The following GPC5 variants were observed in gnomAD, a reference collection of about 807,000 sequenced individuals.
GPC5 encodes glypican 5, also known as glypican-5.
A neutral mutation model predicts 53.9 loss-of-function variants in GPC5; 47 were observed. The ratio of observed to expected loss-of-function variants is 0.87; its 90% confidence interval spans 0.69 to 1.11. The LOEUF (loss-of-function observed/expected upper bound fraction) is 1.11, where lower values mean the gene tolerates loss of function less well. Among genes scored for constraint, GPC5 ranks in the 50% most tolerant of loss-of-function variants. The pLI is 0.00. For missense variants in GPC5, 748 were observed against 713.1 expected, an observed-to-expected ratio of 1.05 and a Z score of -0.56; for synonymous variants, 286 against 263.3, an observed-to-expected ratio of 1.09 and a Z score of -0.84.
rs916612481 is a variant in GPC5, at chr13:92,494,182, T to C, written c.1561+349193T>C. Among the ~76,000 whole-genome samples, 112 of 151,650 alleles carry C rather than the reference T, an allele frequency of 7.4e-4. 2 individuals carry two copies. In the South Asian group the frequency reaches 0.012, roughly 17 times the overall value. The stretch of plus-strand genomic sequence containing the variant: ...TCGGCTCACTGCAAGCTCCGCCTCC[T>C]GGGTTCACGCCATTCTCCTGCCTCA... On this transcript the variant is annotated intron_variant, in intron 7 of 7. Transcript: ENST00000377067.
chr13:91,541,799 TAC>T (rs2029947849), intron 2 of GPC5, among the ~76,000 whole-genome samples: 2 of 151,174 alleles, frequency 1.3e-5, no homozygotes, highest in South Asian at 4.2e-4. Context: ...AATATGTTAA[TAC>T]ACTGAGAACT....
intron 7 of GPC5, among the ~76,000 whole-genome samples, chr13:92,680,025 A>T (rs1453136888): frequency 6.6e-6 from 1 of 152,092 alleles, no homozygotes; most frequent in Non-Finnish European, 1.5e-5. Flanking sequence ...CTACCACTAA[A>T]GCTTCTGTTC....
chr13:92,305,319 TA>T (rs1393619875), intron 7 of GPC5, among the ~76,000 whole-genome samples: 3 of 152,306 alleles, frequency 2.0e-5, no homozygotes, highest in Admixed American at 1.3e-4. Context: ...AATTTATTTT[TA>T]AAAGGTATGT....
chr13:91,830,043 G>A (rs1210048221), intron 5 of GPC5, among the ~76,000 whole-genome samples: 3 of 152,050 alleles, frequency 2.0e-5, no homozygotes, highest in Non-Finnish European at 2.9e-5. Context: ...AAATTTATTA[G>A]GTGGGAATTT....
At chr13:91,969,079 C>T (rs562201955) in intron 6 of GPC5, among the ~76,000 whole-genome samples, 2 of 152,224 alleles carry the variant, frequency 1.3e-5, no homozygotes, top group African/African-American at 4.8e-5. Context: ...AGCGATTCTC[C>T]TGCCTCAGCC....
intron 7 of GPC5, among the ~76,000 whole-genome samples, chr13:92,153,482 A>C (rs1040408739): frequency 1.3e-5 from 2 of 152,226 alleles, no homozygotes; most frequent in African/African-American, 4.8e-5. Context: ...TTATGAATAC[A>C]TAACTCATTT....
At chr13:92,128,240 G>A (rs1253218406) in intron 6 of GPC5, among the ~76,000 whole-genome samples, 4 of 152,112 alleles carry the variant, frequency 2.6e-5, no homozygotes, top group Non-Finnish European at 4.4e-5. Flanking sequence ...GAGCCCTACA[G>A]GCCAAAGTAA....
intron 7 of GPC5, among the ~76,000 whole-genome samples, chr13:92,677,504 T>C (rs902448350): frequency 1.3e-5 from 2 of 152,224 alleles, no homozygotes; most frequent in Non-Finnish European, 2.9e-5. Context: ...TCTGTGTTTG[T>C]TCCATGGACT....
At chr13:91,727,316 A>C (rs1475302538) in intron 3 of GPC5, among the ~76,000 whole-genome samples, 1 of 152,102 alleles carries the variant, frequency 6.6e-6, no homozygotes, top group East Asian at 1.9e-4. Context: ...GTCTTTGCTG[A>C]TATCCTTCTT....
chr13:92,826,895 T>C (rs925122386), intron 7 of GPC5, among the ~76,000 whole-genome samples: 1 of 152,130 alleles, frequency 6.6e-6, no homozygotes, highest in African/African-American at 2.4e-5. Flanking sequence ...TTGACTTTCA[T>C]TGCCGTTCTG....
At chr13:92,541,321 TA>T (rs1449329201) in intron 7 of GPC5, among the ~76,000 whole-genome samples, 2 of 151,822 alleles carry the variant, frequency 1.3e-5, no homozygotes, top group African/African-American at 4.8e-5. Context: ...TCCAGTATTT[TA>T]AAAATATTAT....
intron 7 of GPC5, among the ~76,000 whole-genome samples, chr13:92,637,343 G>C (rs1278029003): frequency 6.6e-6 from 1 of 152,096 alleles, no homozygotes; most frequent in Non-Finnish European, 1.5e-5. Flanking sequence ...GAGATTTTCA[G>C]GGGATGTACA....
rs371432637 is a variant in GPC5, at chr13:92,655,712, C to A, written c.1562-210570C>A. 3.9e-4 allele frequency among the ~76,000 whole-genome samples: 59 copies of A among 152,176 alleles called. 1 individual carries two copies. In the East Asian group the frequency reaches 5.6e-3, roughly 14 times the overall value. On this transcript the variant is annotated intron_variant, in intron 7 of 7. Coordinates refer to ENST00000377067, the MANE Select transcript of GPC5 (RefSeq NM_004466.6). ...TTTCTATCTGCCTGTTTGGGTTGAG[C>A]AAAATTAGAACTGACAACAGACCAG...
chr13:92,800,305 C>G (rs1307845483), intron 7 of GPC5, among the ~76,000 whole-genome samples: 1 of 151,808 alleles, frequency 6.6e-6, no homozygotes, highest in East Asian at 1.9e-4. Flanking sequence ...TGCTACATGG[C>G]CTCTCCCCTT....
chr13:92,382,993 A>C (rs969573052), intron 7 of GPC5, among the ~76,000 whole-genome samples: 1 of 123,506 alleles, frequency 8.1e-6, no homozygotes, highest in Non-Finnish European at 1.6e-5. Flanking sequence ...ACAGAGCAAG[A>C]CTCCGTCTCA....
intron 7 of GPC5, among the ~76,000 whole-genome samples, chr13:92,833,855 A>G (rs1275545813): frequency 3.3e-5 from 5 of 152,328 alleles, no homozygotes; most frequent in African/African-American, 4.8e-5. Context: ...GAAATTTAGT[A>G]TATCCGTAAG....
At chr13:92,235,029 A>T (rs180943886) in intron 7 of GPC5, among the ~76,000 whole-genome samples, 17 of 152,300 alleles carry the variant, frequency 1.1e-4, no homozygotes, top group African/African-American at 3.8e-4. Flanking sequence ...TCCCTAAGAA[A>T]ATCTTAAAAT....
intron 3 of GPC5, among the ~76,000 whole-genome samples, chr13:91,721,433 C>G (rs1031588493): frequency 6.6e-6 from 1 of 152,280 alleles, no homozygotes; most frequent in Middle Eastern, 3.4e-3. Context: ...CCGTGCCCAG[C>G]CTCTTGTCCA....
intron 7 of GPC5, among the ~76,000 whole-genome samples, chr13:92,585,416 T>C (rs1211883049): frequency 2.6e-5 from 4 of 152,202 alleles, no homozygotes; most frequent in Admixed American, 1.3e-4. Flanking sequence ...GCCCCTTTGT[T>C]TCAGCCAATG....
Sources: allele counts gnomAD v4.1 joint callset (sites outside exome capture counted in the v4.1 genomes callset), GRCh38; gene constraint gnomAD v4.1.1; transcripts MANE v1.5; gene names NCBI Gene and HGNC (gene_info 2026-07-23, HGNC 2026-07-21).